The following RTL5 variants were observed in gnomAD, a reference collection of about 807,000 sequenced individuals.
RTL5 encodes retrotransposon Gag like 5, also known as retrotransposon Gag-like protein 5.
Under a neutral mutation model 7.7 loss-of-function variants are expected in RTL5, and 8 were observed. That is an observed-to-expected ratio of 1.04 (90% CI 0.61 to 1.88). The LOEUF (loss-of-function observed/expected upper bound fraction) is 1.88, where lower values mean the gene tolerates loss of function less well. RTL5 is among the 40% of genes most tolerant of loss of function. RTL5 has a pLI of 0.00. For synonymous variants in RTL5, 188 were observed against 191.8 expected, an observed-to-expected ratio of 0.98 and a Z score of 0.16; for missense variants, 457 against 472.7, an observed-to-expected ratio of 0.97 and a Z score of 0.31.
chrX:72,130,487 C>T, exon 1 of RTL5: 1 of 1,211,100 alleles, frequency 8.3e-7, no homozygotes, highest in Non-Finnish European at 1.1e-6. Flanking sequence ...TGCCTGCGTG[C>T]CTCTTGGTCT....
At chrX:72,129,815 C>T in exon 1 of RTL5, 1 of 1,178,909 alleles carries the variant, frequency 8.5e-7, no homozygotes, top group Non-Finnish European at 1.1e-6. Context: ...TCTGGGTGGC[C>T]ATCTGGCCCC....
At chrX:72,131,253 G>T in exon 1 of RTL5, 1 of 1,201,551 alleles carries the variant, frequency 8.3e-7, no homozygotes, top group Non-Finnish European at 1.1e-6. Context: ...AGATACAGTC[G>T]GGCTCCGCGC....
At chrX:72,130,686 G>T (rs1196206049) in exon 1 of RTL5, 2 of 1,211,940 alleles carry the variant, frequency 1.7e-6, no homozygotes, top group Non-Finnish European at 2.2e-6. Context: ...AGAGCTCTTT[G>T]CGGAAGAATT....
chrX:72,131,441 G>A (rs748751086), exon 1 of RTL5: 2 of 1,208,774 alleles, frequency 1.7e-6, no homozygotes, highest in Admixed American at 2.2e-5. Context: ...CCGAGCTGGA[G>A]GCCCAAATTG....
At chrX:72,127,307 C>G (rs1301216703), downstream of RTL5, 2 of 84,026 alleles carry the variant, frequency 2.4e-5, no homozygotes, top group Non-Finnish European at 4.4e-5. Flanking sequence ...CCCAAGAAAG[C>G]TCCCAAAGCC....
chrX:72,129,906 T>G (rs761731491), exon 1 of RTL5: 3 of 1,208,624 alleles, frequency 2.5e-6, no homozygotes, highest in Non-Finnish European at 1.1e-6. Context: ...CAGGGGGGCG[T>G]CTTCGAACTT....
exon 1 of RTL5, chrX:72,131,361 T>A: frequency 8.3e-7 from 1 of 1,209,378 alleles, no homozygotes; most frequent in Middle Eastern, 2.3e-4. Flanking sequence ...GGACGGGCAC[T>A]ATGGGTACTG....
chrX:72,129,051 G>A (rs765671104), exon 1 of RTL5: 2 of 113,112 alleles, frequency 1.8e-5, no homozygotes, highest in South Asian at 7.2e-4. Flanking sequence ...GTGCCCAGGA[G>A]GGCAATGTGG....
At chrX:72,129,930 A>G in exon 1 of RTL5, 3 of 1,211,146 alleles carry the variant, frequency 2.5e-6, no homozygotes, top group Non-Finnish European at 3.4e-6. Context: ...GTTGTCCTAA[A>G]CGACCTGTGC....
exon 1 of RTL5, chrX:72,129,845 G>C: frequency 8.4e-7 from 1 of 1,191,582 alleles, no homozygotes; most frequent in Non-Finnish European, 1.1e-6. Context: ...ACTCGAATTC[G>C]GCCACGAGCA....
exon 1 of RTL5, chrX:72,130,400 TCTC>T (rs779901827): frequency 1.8e-5 from 21 of 1,183,622 alleles, no homozygotes; most frequent in Middle Eastern, 2.3e-4. Flanking sequence ...TCCTTCTTCA[TCTC>T]CTCCTCCTCC....
At chrX:72,128,088 G>A (rs1007510867) in exon 1 of RTL5, 1 of 111,715 alleles carries the variant, frequency 9.0e-6, no homozygotes, top group Non-Finnish European at 1.9e-5. Flanking sequence ...TTAAAAGGTA[G>A]CAACAGGTTA....
exon 1 of RTL5, chrX:72,129,697 A>G: frequency 1.6e-6 from 1 of 627,214 alleles, no homozygotes; most frequent in Non-Finnish European, 2.4e-6. Flanking sequence ...GGAATTCTGC[A>G]GGTCTTCTTC....
chrX:72,129,477 G>A lies in RTL5; in HGVS notation c.*354C>T, dbSNP rs548342817. 6.5e-5 allele frequency: 13 copies of A among 199,352 alleles called. No homozygotes were observed. In the South Asian group the frequency reaches 2.1e-3, roughly 32 times the overall value. The allele number at this position is 199,352 out of a possible 1,213,427, so 16.4% of individuals were successfully genotyped here. A position where few individuals can be genotyped will look rare whatever the true frequency, so the allele number is the denominator to read the frequency against. ...ACTGTAGAACATAGGGTGAAGAAAC[G>A]CAGGAGAGGTGAGGGTTAGGAACAA... On this transcript the variant is annotated 3_prime_UTR_variant, in exon 1 of 1. Coordinates refer to ENST00000609883, the Ensembl canonical transcript of RTL5.
exon 1 of RTL5, chrX:72,127,776 C>G (rs767288402): frequency 8.9e-6 from 1 of 112,908 alleles, no homozygotes; most frequent in African/African-American, 3.2e-5. Flanking sequence ...ATGGGGAAAA[C>G]CAGACAATTG....
At chrX:72,130,898 C>T in exon 1 of RTL5, 1 of 1,211,836 alleles carries the variant, frequency 8.3e-7, no homozygotes, top group Non-Finnish European at 1.1e-6. Context: ...GGGAAGTTGG[C>T]ATGCAAGGGG....
exon 1 of RTL5, chrX:72,128,584 C>T (rs1485582117): frequency 8.9e-6 from 1 of 112,876 alleles, no homozygotes; most frequent in Non-Finnish European, 1.9e-5. Flanking sequence ...GAGGCAGCCA[C>T]CCTCTTAAGC....
At chrX:72,131,192 G>A (rs775121502) in exon 1 of RTL5, 1 of 1,192,779 alleles carries the variant, frequency 8.4e-7, no homozygotes, top group Non-Finnish European at 1.1e-6. Context: ...GGGTCAGCGG[G>A]CCCGTCGGGG....
At chrX:72,130,785 G>A (rs370694469) in exon 1 of RTL5, 1 of 1,211,767 alleles carries the variant, frequency 8.3e-7, no homozygotes, top group South Asian at 1.8e-5. Flanking sequence ...CTGCATAGCT[G>A]CCGAGGGTAC....
Sources: allele counts gnomAD v4.1 joint callset, GRCh38; gene constraint gnomAD v4.1.1; transcripts MANE v1.5; gene names NCBI Gene and HGNC (gene_info 2026-07-23, HGNC 2026-07-21).